Variants in FTCDNL1 observed in about 807,000 individuals in gnomAD.
FTCDNL1 encodes the protein formiminotransferase N-terminal subdomain-containing protein.
A neutral mutation model predicts 5.9 loss-of-function variants in FTCDNL1; 11 were observed. The observed-to-expected ratio is 1.87, with a 90% CI of 1.18 to 3.10. FTCDNL1 has a LOEUF of 3.10. Ranked by LOEUF, FTCDNL1 falls within the 30% of genes most tolerant of loss-of-function variation. FTCDNL1 has a pLI of 0.00. For synonymous variants in FTCDNL1, 58 were observed against 24.8 expected, an observed-to-expected ratio of 2.34 and a Z score of -3.99; for missense variants, 115 against 65.5, an observed-to-expected ratio of 1.76 and a Z score of -2.61.
At chr2:199,750,018 G>C in the FTCDNL1 span, among the ~76,000 whole-genome samples, 2 of 150,480 alleles carry the variant, frequency 1.3e-5, no homozygotes, top group East Asian at 1.9e-4. Context: ...TACACACCTA[G>C]TATGTACCCC....
intron 3 of FTCDNL1, among the ~76,000 whole-genome samples, chr2:199,765,556 A>ATTTTTTT (rs374926252): frequency 4.9e-4 from 21 of 42,650 alleles, no homozygotes; most frequent in African/African-American, 1.2e-3. Context: ...ATATATATAT[A>ATTTTTTT]TTTTTTTTTT....
chr2:199,728,295 T>G, the FTCDNL1 span, among the ~76,000 whole-genome samples: 1 of 152,044 alleles, frequency 6.6e-6, no homozygotes, highest in East Asian at 1.9e-4. Flanking sequence ...TCGCCCAGAC[T>G]GGAGTGCAGT....
intron 3 of FTCDNL1, among the ~76,000 whole-genome samples, chr2:199,831,221 T>C (rs1406985740): frequency 1.3e-5 from 2 of 152,224 alleles, no homozygotes; most frequent in Non-Finnish European, 2.9e-5. Context: ...AACTTATTTA[T>C]TATGGAAATG....
At chr2:199,735,560 C>A in the FTCDNL1 span, among the ~76,000 whole-genome samples, 21 of 152,018 alleles carry the variant, frequency 1.4e-4, no homozygotes, top group African/African-American at 3.9e-4. Flanking sequence ...CTAGACATAT[C>A]TTTAGTGGTG....
intron 3 of FTCDNL1, among the ~76,000 whole-genome samples, chr2:199,779,402 C>T (rs1410384970): frequency 6.6e-6 from 1 of 152,188 alleles, no homozygotes; most frequent in Non-Finnish European, 1.5e-5. Context: ...ACAAACTAAT[C>T]AGGACACAAA....
the FTCDNL1 span, among the ~76,000 whole-genome samples, chr2:199,750,160 C>A: frequency 6.6e-6 from 1 of 151,542 alleles, no homozygotes; most frequent in Non-Finnish European, 1.5e-5. Context: ...TCGAGACCAG[C>A]CTGGGCAACA....
intron 3 of FTCDNL1, among the ~76,000 whole-genome samples, chr2:199,766,438 T>C (rs761788388): frequency 1.3e-5 from 2 of 152,216 alleles, no homozygotes; most frequent in Admixed American, 1.3e-4. Context: ...CCTTAAGCTA[T>C]GGCAGATTTG....
At chr2:199,800,523 A>G (rs887997230) in intron 3 of FTCDNL1, among the ~76,000 whole-genome samples, 2 of 152,236 alleles carry the variant, frequency 1.3e-5, no homozygotes, top group African/African-American at 4.8e-5. Flanking sequence ...AAATTACAAC[A>G]AACTATACAT....
At chr2:199,682,245 G>A in the FTCDNL1 span, among the ~76,000 whole-genome samples, 1 of 152,178 alleles carries the variant, frequency 6.6e-6, no homozygotes, top group Non-Finnish European at 1.5e-5. Context: ...TATACTCCTT[G>A]AGCAGGAGAG....
the FTCDNL1 span, among the ~76,000 whole-genome samples, chr2:199,684,390 G>A: frequency 1.3e-5 from 2 of 152,148 alleles, no homozygotes; most frequent in African/African-American, 4.8e-5. Context: ...CAGAGTCATG[G>A]CACTTAAATT....
intron 3 of FTCDNL1, among the ~76,000 whole-genome samples, chr2:199,798,490 CG>C (rs1421879847): frequency 6.6e-6 from 1 of 152,198 alleles, no homozygotes; most frequent in African/African-American, 2.4e-5. Context: ...AGTTCACCTA[CG>C]TCCTCAGAGC....
At chr2:199,766,170 T>C (rs1698530624) in intron 3 of FTCDNL1, among the ~76,000 whole-genome samples, 1 of 152,242 alleles carries the variant, frequency 6.6e-6, no homozygotes, top group South Asian at 2.1e-4. Flanking sequence ...AGTGGCATTA[T>C]AAGTGCAAAT....
intron 3 of FTCDNL1, among the ~76,000 whole-genome samples, chr2:199,780,185 A>C (rs1699294446): frequency 6.6e-6 from 1 of 152,186 alleles, no homozygotes; most frequent in South Asian, 2.1e-4. Flanking sequence ...ATCCAGCTCT[A>C]CAGGGACCTC....
chr2:199,770,591 A>T (rs1650246292), intron 3 of FTCDNL1, among the ~76,000 whole-genome samples: 2 of 152,194 alleles, frequency 1.3e-5, no homozygotes, highest in South Asian at 4.2e-4. Context: ...AATTTTCCTG[A>T]GCCCCCCAGG....
the FTCDNL1 span, among the ~76,000 whole-genome samples, chr2:199,738,222 T>G: frequency 2.0e-5 from 3 of 152,268 alleles, no homozygotes; most frequent in African/African-American, 7.2e-5. Flanking sequence ...CTCTAGTTCA[T>G]GGCTCATTCA....
chr2:199,753,689 T>C, the FTCDNL1 span, among the ~76,000 whole-genome samples: 7 of 152,204 alleles, frequency 4.6e-5, no homozygotes, highest in African/African-American at 1.7e-4. Flanking sequence ...CTTCGGTTTG[T>C]TGCCTCTCAA....
At chr2:199,728,527 C>T in the FTCDNL1 span, among the ~76,000 whole-genome samples, 5 of 152,188 alleles carry the variant, frequency 3.3e-5, no homozygotes, top group South Asian at 2.1e-4. Context: ...GGATTACAGG[C>T]GTGAGCCACC....
the FTCDNL1 span, among the ~76,000 whole-genome samples, chr2:199,739,966 T>G: frequency 2.0e-5 from 3 of 152,136 alleles, no homozygotes; most frequent in African/African-American, 4.8e-5. Flanking sequence ...GAGCCGGGCC[T>G]GCCAGGCTCA....
chr2:199,725,351 T>C, the FTCDNL1 span, among the ~76,000 whole-genome samples: 2 of 152,244 alleles, frequency 1.3e-5, no homozygotes, highest in Non-Finnish European at 2.9e-5. Flanking sequence ...CTTGCCATTC[T>C]GTGTCTTTTA....
Sources: gnomAD v4.1 joint callset for allele counts (sites outside exome capture counted in the v4.1 genomes callset) on GRCh38, gnomAD v4.1.1 for gene constraint, MANE v1.5 for transcripts, NCBI Gene and HGNC (gene_info 2026-07-23, HGNC 2026-07-21) for gene names.